The following DLG2 variants were observed in gnomAD, a reference collection of about 807,000 sequenced individuals.
DLG2 encodes the protein discs large MAGUK scaffold protein 2, also known as disks large homolog 2.
In DLG2, 45 loss-of-function variants were observed where a neutral mutation model predicts 132.5. That is an observed-to-expected ratio of 0.34 (90% CI 0.27 to 0.44). The LOEUF (loss-of-function observed/expected upper bound fraction) is 0.44. DLG2 is among the 20% of genes least tolerant of loss of function. The pLI is 1.00. For missense variants in DLG2, 1,045 were observed against 1,196.9 expected, an observed-to-expected ratio of 0.87 and a Z score of 1.87; for synonymous variants, 424 against 419.6, an observed-to-expected ratio of 1.01 and a Z score of -0.13.
intron 4 of DLG2, among the ~76,000 whole-genome samples, chr11:85,261,338 G>T (rs905643155): frequency 5.3e-5 from 8 of 151,956 alleles, no homozygotes; most frequent in African/African-American, 1.9e-4. Context: ...CCTACCTGAG[G>T]CCCCTTCCTC....
At chr11:84,720,374 A>T (rs1364993831) in intron 6 of DLG2, 4 of 985,370 alleles carry the variant, frequency 4.1e-6, no homozygotes, top group Non-Finnish European at 4.8e-6. Flanking sequence ...TAAAACAGTC[A>T]GGGTCCTTAA....
At chr11:85,213,275 A>T (rs1034099540) in intron 4 of DLG2, among the ~76,000 whole-genome samples, 3 of 152,136 alleles carry the variant, frequency 2.0e-5, no homozygotes, top group African/African-American at 4.8e-5. Flanking sequence ...GATACAGAGA[A>T]CATGTGCCCA....
At chr11:83,598,786 C>G (rs1349815551) in intron 19 of DLG2, among the ~76,000 whole-genome samples, 1 of 152,202 alleles carries the variant, frequency 6.6e-6, no homozygotes, top group Admixed American at 6.5e-5. Flanking sequence ...ACAGAGTATA[C>G]TGAACATAAT....
intron 3 of DLG2, among the ~76,000 whole-genome samples, chr11:85,559,833 T>C (rs1465399276): frequency 6.7e-6 from 1 of 150,172 alleles, no homozygotes; most frequent in Non-Finnish European, 1.5e-5. Context: ...GATAGATAGA[T>C]AGATAGATAG....
intron 6 of DLG2, among the ~76,000 whole-genome samples, chr11:84,680,622 T>C (rs893362625): frequency 5.9e-5 from 9 of 152,176 alleles, no homozygotes; most frequent in African/African-American, 2.2e-4. Flanking sequence ...GGGCTTGAAA[T>C]AAACTTTTGC....
intron 8 of DLG2, among the ~76,000 whole-genome samples, chr11:84,218,746 G>T (rs1029135490): frequency 6.6e-6 from 1 of 152,116 alleles, no homozygotes; most frequent in Non-Finnish European, 1.5e-5. Flanking sequence ...GAAACATTTG[G>T]CAATGTCTGT....
At chr11:84,477,886 TA>T (rs55864021) in intron 7 of DLG2, among the ~76,000 whole-genome samples, 2 of 152,172 alleles carry the variant, frequency 1.3e-5, no homozygotes, top group African/African-American at 4.8e-5. Context: ...CAGTTAACAT[TA>T]AAAAATATAT....
intron 6 of DLG2, among the ~76,000 whole-genome samples, chr11:84,562,092 A>T (rs2099429808): frequency 6.6e-6 from 1 of 152,194 alleles, no homozygotes; most frequent in East Asian, 1.9e-4. Context: ...ATAAAGTTAC[A>T]TGTTTACAAT....
intron 7 of DLG2, chr11:84,317,368 C>T: frequency 2.9e-6 from 4 of 1,386,574 alleles, no homozygotes; most frequent in Middle Eastern, 2.7e-4. Flanking sequence ...CAATAGATGA[C>T]TCAACTCACA....
At chr11:83,699,987 A>G (rs1566596392) in intron 18 of DLG2, among the ~76,000 whole-genome samples, 1 of 151,450 alleles carries the variant, frequency 6.6e-6, no homozygotes, top group Non-Finnish European at 1.5e-5. Flanking sequence ...CTGCATTTGC[A>G]AAGGAAACTA....
intron 3 of DLG2, among the ~76,000 whole-genome samples, chr11:85,291,943 C>G (rs1028778397): frequency 1.3e-5 from 2 of 152,120 alleles, no homozygotes; most frequent in Admixed American, 1.3e-4. Context: ...AAGACATATG[C>G]CTTACGCTTC....
chr11:83,576,256 C>T (rs1274178542), intron 19 of DLG2, among the ~76,000 whole-genome samples: 1 of 152,012 alleles, frequency 6.6e-6, no homozygotes, highest in African/African-American at 2.4e-5. Flanking sequence ...TAAAGAATGA[C>T]AAGAGTATCA....
At chr11:83,842,397 C>A (rs887001717) in intron 16 of DLG2, among the ~76,000 whole-genome samples, 4 of 151,982 alleles carry the variant, frequency 2.6e-5, no homozygotes, top group African/African-American at 9.7e-5. Context: ...AGATTGAGAC[C>A]ATTCTGGCCA....
chr11:84,091,393 C>G (rs1244414361), intron 10 of DLG2, among the ~76,000 whole-genome samples: 1 of 152,176 alleles, frequency 6.6e-6, no homozygotes, highest in East Asian at 1.9e-4. Flanking sequence ...CTCTGCTGTC[C>G]CTCCACCCGA....
intron 8 of DLG2, among the ~76,000 whole-genome samples, chr11:84,229,442 A>C (rs1480283367): frequency 1.3e-5 from 2 of 152,224 alleles, no homozygotes; most frequent in Admixed American, 6.5e-5. Flanking sequence ...CTAATATTTT[A>C]ATTAAATCTC....
At chr11:85,467,385 G>A (rs2092827395) in intron 3 of DLG2, among the ~76,000 whole-genome samples, 1 of 152,124 alleles carries the variant, frequency 6.6e-6, no homozygotes, top group Non-Finnish European at 1.5e-5. Context: ...CCTGTCTTGT[G>A]CCAGTTTTCA....
intron 6 of DLG2, among the ~76,000 whole-genome samples, chr11:84,628,494 A>G (rs752036420): frequency 1.3e-5 from 2 of 152,236 alleles, no homozygotes; most frequent in African/African-American, 2.4e-5. Context: ...TTCTTTACAT[A>G]CCAATCTTGA....
intron 20 of DLG2, among the ~76,000 whole-genome samples, chr11:83,538,880 A>G (rs2095973582): frequency 6.6e-6 from 1 of 152,230 alleles, no homozygotes; most frequent in Non-Finnish European, 1.5e-5. Context: ...ATGCTGCCCA[A>G]GCAATGCTTG....
chr11:85,567,857 C>T (rs752644841), intron 3 of DLG2, among the ~76,000 whole-genome samples: 14 of 152,058 alleles, frequency 9.2e-5, no homozygotes, highest in Non-Finnish European at 2.1e-4. Context: ...TTGTCAAATG[C>T]TTTTTCTGTA....
Sources: allele counts gnomAD v4.1 joint callset (sites outside exome capture counted in the v4.1 genomes callset), GRCh38; gene constraint gnomAD v4.1.1; transcripts MANE v1.5; gene names NCBI Gene and HGNC (gene_info 2026-07-23, HGNC 2026-07-21).